Variants in UBE2O observed in about 807,000 individuals in gnomAD.
The protein encoded by UBE2O is ubiquitin conjugating enzyme E2 O.
UBE2O carries 15 observed loss-of-function variants against 125.8 expected under a neutral mutation model. That is an observed-to-expected ratio of 0.12 (90% confidence interval 0.08 to 0.18). The LOEUF (loss-of-function observed/expected upper bound fraction) is 0.18. UBE2O is among the 10% of genes least tolerant of loss of function. The pLI, the probability that UBE2O is intolerant of heterozygous loss-of-function variation, is 1.00. For synonymous variants in UBE2O, 708 were observed against 703.2 expected, an observed-to-expected ratio of 1.01 and a Z score of -0.11; for missense variants, 1,280 against 1,723.6, an observed-to-expected ratio of 0.74 and a Z score of 4.56.
rs1213958365 is a variant in UBE2O at position 76,402,829 on chromosome 17, G to A, written c.589-130C>T. ...GACAGCTCACTGACTGGACCGGTTG[G>A]CTACTAGCCCTAAACAGCTGCTGCA... On this transcript the variant is annotated intron_variant, in intron 3 of 17. Transcript: ENST00000319380. This position sits in a 1 kb window ranked among gnomAD's most constrained non-coding sequence, Gnocchi z 5.4. 1.3e-6 allele frequency: 1 copy of A among 754,328 alleles called. No homozygotes were observed. Among genetic ancestry groups the A allele is most frequent in the Non-Finnish European group, 2.3e-6 (1 of 439,168 alleles). The allele number at this position is 754,328 out of a possible 1,614,324, so 46.7% of individuals were successfully genotyped here.
Position 76,410,927 on chromosome 17 carries a change from C to G in UBE2O, c.418-5355G>C, listed in dbSNP as rs2072504179. ...TGACCTTGACTGACCAGGTGGAATC[C>G]AAATTCACTGTATAAAGTGATCCAG... On this transcript the variant is annotated intron_variant, in intron 1 of 17. Coordinates refer to ENST00000319380, the MANE Select transcript of UBE2O (RefSeq NM_022066.4). The surrounding 1 kb of genome is among the most constrained non-coding windows in gnomAD (Gnocchi z 4.0). Among the ~76,000 whole-genome samples, 2 of 151,138 alleles carry G rather than the reference C, an allele frequency of 1.3e-5. No individual in the cohort carries two copies. Among genetic ancestry groups the G allele is most frequent in the South Asian group, 4.2e-4 (2 of 4,818 alleles).
chr17:76,422,555 T>C (rs1218381509), intron 1 of UBE2O, among the ~76,000 whole-genome samples: 1 of 152,182 alleles, frequency 6.6e-6, no homozygotes, highest in Non-Finnish European at 1.5e-5. Context: ...GTCCTGCAGG[T>C]GTCCGAGCAG....
At chr17:76,418,762 G>C (rs1332153124) in intron 1 of UBE2O, among the ~76,000 whole-genome samples, 2 of 152,088 alleles carry the variant, frequency 1.3e-5, no homozygotes, top group Non-Finnish European at 2.9e-5. Flanking sequence ...GTAGAGACAG[G>C]GTTTCACCGT....
At position 76,391,626 on chromosome 17, in the gene UBE2O, G is replaced by T. The variant is rs1187065933; in HGVS notation, c.3209-13C>A. On this transcript the variant is annotated splice_polypyrimidine_tract_variant and intron_variant, in intron 17 of 17. Coordinates refer to ENST00000319380, the MANE Select transcript of UBE2O (RefSeq NM_022066.4). The surrounding 1 kb of genome is among the most constrained non-coding windows in gnomAD (Gnocchi z 8.4). ...ACCAGGATCAGACCTGTGTGGGCGG[G>T]ACACCTTCCCTCAGTGGGTGAGAGA... 5 of 1,606,202 alleles carry T rather than the reference G, an allele frequency of 3.1e-6. No individual in the cohort carries two copies. Among genetic ancestry groups the T allele is most frequent in the Non-Finnish European group, 4.3e-6 (5 of 1,174,528 alleles).
rs2072490790 is a variant in UBE2O at position 76,410,093 on chromosome 17, G to C, written c.418-4521C>G. On this transcript the variant is annotated intron_variant, in intron 1 of 17. Coordinates refer to ENST00000319380, the MANE Select transcript of UBE2O (RefSeq NM_022066.4). The surrounding 1 kb of genome is among the most constrained non-coding windows in gnomAD (Gnocchi z 4.0). ...TGGGGTGACTGGCACAGGCCGGCAA[G>C]GCTTCAAGAAGGCAGAAGGCATGGT... 1.3e-5 allele frequency among the ~76,000 whole-genome samples: 2 copies of C among 152,116 alleles called. No homozygotes were observed. The highest frequency in any genetic ancestry group is 6.5e-5 in the Admixed American group (1 of 15,270).
chr17:76,400,348 G>A lies in UBE2O; in HGVS notation c.1005-51C>T, dbSNP rs1363272593. The A allele has an allele frequency of 6.2e-7, 1 of 1,603,076 alleles. No individual in the cohort carries two copies. The highest frequency in any genetic ancestry group is 2.2e-5 in the East Asian group (1 of 44,696). ...GCTGGGCTGGACTCCTGGGAGGCCA[G>A]CAGTGTTCTTAAGCCTCCCCAGGCA... On this transcript the variant is annotated intron_variant, in intron 7 of 17. Transcript: ENST00000319380. The surrounding 1 kb of genome is among the most constrained non-coding windows in gnomAD (Gnocchi z 4.3).
Position 76,391,532 on chromosome 17 carries a change from C to A in UBE2O, c.3290G>T (p.Ser1097Ile). 6.2e-7 allele frequency: 1 copy of A among 1,614,134 alleles called. No individual in the cohort carries two copies. The highest frequency in any genetic ancestry group is 8.5e-7 in the Non-Finnish European group (1 of 1,180,048). ...CAGCGCCATCTCATTGTAACAGCGA[C>A]TGTTTTCATAGCCTTCCTGCAGGCC... ...DRGLQEGYEN[S>I]RCYNEMALIR... The change falls in exon 18 of 18, where the codon AGT becomes ATT. Residue 1097 changes from serine to isoleucine, a missense_variant. Physicochemically the swap from Ser to Ile is moderately radical, Grantham distance 142 (BLOSUM62 -2). This residue lies in a region of UBE2O where 233 missense variants were observed against 279.0 expected (regional missense o/e 0.84). Coordinates refer to ENST00000319380, the MANE Select transcript of UBE2O (RefSeq NM_022066.4). This position sits in a 1 kb window ranked among gnomAD's most constrained non-coding sequence, Gnocchi z 8.4.
rs1190714668 is a variant in UBE2O, at chr17:76,400,785, T to TC, written c.894+225dup. Among the ~76,000 whole-genome samples, 1 of 152,174 alleles carries TC rather than the reference T, an allele frequency of 6.6e-6. No individual in the cohort carries two copies. Among genetic ancestry groups the TC allele is most frequent in the Non-Finnish European group, 1.5e-5 (1 of 68,028 alleles). On this transcript the variant is annotated intron_variant, in intron 6 of 17. Coordinates refer to ENST00000319380, the MANE Select transcript of UBE2O (RefSeq NM_022066.4). This position sits in a 1 kb window ranked among gnomAD's most constrained non-coding sequence, Gnocchi z 4.3. Reference sequence around the variant, plus strand: ...CCACTGGAACTGCCACTTGCCACCCTCCCACCTTGCTCAGCCTGTACAGGC... The same window carrying TC: ...CCACTGGAACTGCCACTTGCCACCCTCCCCACCTTGCTCAGCCTGTACAGGC...
chr17:76,409,291 G>GT (rs534145166), intron 1 of UBE2O, among the ~76,000 whole-genome samples: 79 of 152,094 alleles, frequency 5.2e-4, no homozygotes, highest in Middle Eastern at 3.4e-3. Context: ...TTAGAGAGTC[G>GT]TAACTATCAG....
intron 1 of UBE2O, among the ~76,000 whole-genome samples, chr17:76,412,901 G>A (rs1352284615): frequency 3.9e-5 from 6 of 152,114 alleles, no homozygotes; most frequent in South Asian, 2.1e-4. Flanking sequence ...CCAGCTACTT[G>A]GGAGGCTGAG....
rs1346589372 is a variant in UBE2O at position 76,396,789 on chromosome 17, C to T, written c.2148G>A (p.Glu716=). The change falls in exon 14 of 18, where the codon GAG becomes GAA. Residue 716 remains glutamate, a synonymous_variant. Transcript: ENST00000319380. This position sits in a 1 kb window ranked among gnomAD's most constrained non-coding sequence, Gnocchi z 6.7. The part of the protein sequence containing the change: ...HLYNIESEIE[E]SDYDSVEGST... Reference sequence around the variant, plus strand: ...TGCCTTCTACCGAATCGTAGTCTGACTCCTCAATCTCAGACTCTATGTTGT... The same window carrying T: ...TGCCTTCTACCGAATCGTAGTCTGATTCCTCAATCTCAGACTCTATGTTGT... The T allele has an allele frequency of 2.5e-6, 4 of 1,608,072 alleles. No homozygotes were observed. The East Asian group carries it at 8.9e-5, about 36-fold the overall frequency.
chr17:76,435,065 A>G (rs2072967249), intron 1 of UBE2O, among the ~76,000 whole-genome samples: 3 of 152,222 alleles, frequency 2.0e-5, no homozygotes. Context: ...AGGAGAGGAA[A>G]GGGGAGGTGA....
At chr17:76,444,656 A>G (rs2073126259) in intron 1 of UBE2O, among the ~76,000 whole-genome samples, 1 of 152,178 alleles carries the variant, frequency 6.6e-6, no homozygotes. Flanking sequence ...TAGACAGAAA[A>G]TGACTGAAGG....
At chr17:76,443,260 C>T (rs1351370083) in intron 1 of UBE2O, among the ~76,000 whole-genome samples, 1 of 151,780 alleles carries the variant, frequency 6.6e-6, no homozygotes, top group Admixed American at 6.6e-5. Context: ...GGGTTCAGAA[C>T]CAAAAACAAA....
chr17:76,433,551 TG>T (rs754526385), intron 1 of UBE2O, among the ~76,000 whole-genome samples: 2 of 151,562 alleles, frequency 1.3e-5, no homozygotes, highest in African/African-American at 4.9e-5. Flanking sequence ...AAAAACCACT[TG>T]AACTGCACAC....
chr17:76,405,414 T>C lies in UBE2O; in HGVS notation c.478-98A>G. 4 of 1,509,164 alleles carry C rather than the reference T, an allele frequency of 2.7e-6. No homozygotes were observed. Among genetic ancestry groups the C allele is most frequent in the Non-Finnish European group, 3.6e-6 (4 of 1,102,960 alleles). 93.5% of individuals were successfully genotyped at this position (1,509,164 alleles called of 1,614,324 possible). ...AACCCCAGCGCACCCCCTGCAGAGCTGGCCAGTTCTCCCACATGCAGAGTG... is the reference window on the plus strand; with the variant it reads ...AACCCCAGCGCACCCCCTGCAGAGCCGGCCAGTTCTCCCACATGCAGAGTG... On this transcript the variant is annotated intron_variant, in intron 2 of 17. Coordinates refer to ENST00000319380, the MANE Select transcript of UBE2O (RefSeq NM_022066.4). The surrounding 1 kb of genome is among the most constrained non-coding windows in gnomAD (Gnocchi z 6.1).
chr17:76,448,579 C>A lies in UBE2O; in HGVS notation c.417+4146G>T, dbSNP rs531704942. 3.9e-5 allele frequency among the ~76,000 whole-genome samples: 6 copies of A among 152,338 alleles called. No individual in the cohort carries two copies. In the South Asian group the frequency reaches 1.2e-3, roughly 32 times the overall value. ...TAATTTAGAGGCACTATATCTCAAA[C>A]CTGGTGAAACCCTGAATGTCATGGC... is the stretch of plus-strand genomic sequence containing the variant. On this transcript the variant is annotated intron_variant, in intron 1 of 17. Coordinates refer to ENST00000319380, the MANE Select transcript of UBE2O (RefSeq NM_022066.4).
intron 1 of UBE2O, among the ~76,000 whole-genome samples, chr17:76,406,692 GTT>G (rs66834782): frequency 1.7e-4 from 12 of 70,910 alleles, no homozygotes; most frequent in African/African-American, 6.0e-4. Context: ...AGCCCAAGTT[GTT>G]TTTTTTTTTT....
At chr17:76,444,982 G>A (rs117983706) in intron 1 of UBE2O, among the ~76,000 whole-genome samples, 38 of 152,276 alleles carry the variant, frequency 2.5e-4, no homozygotes, top group Non-Finnish European at 4.7e-4. Flanking sequence ...CACACAGTCC[G>A]CTGAATCTGC....
Sources: gnomAD v4.1 joint callset for allele counts (sites outside exome capture counted in the v4.1 genomes callset) on GRCh38, gnomAD v4.1.1 for gene constraint, gnomAD v4.1.1 regional missense constraint, Gnocchi (gnomAD v3.1) non-coding constraint, MANE v1.5 for transcripts, NCBI Gene and HGNC (gene_info 2026-07-23, HGNC 2026-07-21) for gene names.